The following CA10 variants were observed in gnomAD, a reference collection of about 807,000 sequenced individuals.
The protein encoded by CA10 is carbonic anhydrase-related protein 10.
A neutral mutation model predicts 44.2 loss-of-function variants in CA10; 14 were observed. The observed-to-expected ratio is 0.32, with a 90% CI of 0.21 to 0.50. The LOEUF (loss-of-function observed/expected upper bound fraction) is 0.50, where lower values mean the gene tolerates loss of function less well. CA10 is among the 20% of genes least tolerant of loss of function. CA10 has a pLI of 0.99. For missense variants in CA10, 350 were observed against 409.7 expected, an observed-to-expected ratio of 0.85 and a Z score of 1.26; for synonymous variants, 159 against 141.6, an observed-to-expected ratio of 1.12 and a Z score of -0.87.
intron 2 of CA10, among the ~76,000 whole-genome samples, chr17:52,011,482 G>A (rs1201789847): frequency 6.6e-6 from 1 of 151,972 alleles, no homozygotes; most frequent in Non-Finnish European, 1.5e-5. Flanking sequence ...TCCATCTTAA[G>A]AAGAAGTTAT....
intron 8 of CA10, among the ~76,000 whole-genome samples, chr17:51,632,534 T>C (rs1240919007): frequency 6.6e-6 from 1 of 152,152 alleles, no homozygotes; most frequent in Non-Finnish European, 1.5e-5. Context: ...AGCCCTCCTA[T>C]TTGGGGAGCA....
intron 1 of CA10, among the ~76,000 whole-genome samples, chr17:52,085,322 C>T (rs534710163): frequency 3.3e-5 from 5 of 152,192 alleles, no homozygotes; most frequent in Non-Finnish European, 2.9e-5. Context: ...ATGCTCCCTG[C>T]TGTGGTCTTC....
chr17:51,687,902 CT>C (rs1221827868), intron 4 of CA10, among the ~76,000 whole-genome samples: 4 of 152,144 alleles, frequency 2.6e-5, no homozygotes, highest in Non-Finnish European at 5.9e-5. Context: ...TTCTTGCCAC[CT>C]GATATTCATG....
intron 1 of CA10, among the ~76,000 whole-genome samples, chr17:52,132,594 G>A (rs1265112313): frequency 1.3e-5 from 2 of 152,362 alleles, no homozygotes; most frequent in East Asian, 3.8e-4. Flanking sequence ...GTGGGGCACA[G>A]CAACAGGGAA....
intron 2 of CA10, among the ~76,000 whole-genome samples, chr17:51,993,227 G>A (rs971018720): frequency 2.0e-5 from 3 of 152,072 alleles, no homozygotes; most frequent in African/African-American, 7.2e-5. Context: ...CCAAGCTCCT[G>A]TTGTCGTTAA....
chr17:52,009,957 C>T (rs1253994505), intron 2 of CA10, among the ~76,000 whole-genome samples: 3 of 151,880 alleles, frequency 2.0e-5, no homozygotes, highest in African/African-American at 7.2e-5. Context: ...ATAGACTATT[C>T]TCAAAATCAG....
intron 3 of CA10, among the ~76,000 whole-genome samples, chr17:51,750,329 A>G (rs927727618): frequency 6.4e-5 from 9 of 140,856 alleles, no homozygotes; most frequent in African/African-American, 2.2e-4. Flanking sequence ...TAAATATATA[A>G]TATAGACTTT....
chr17:52,021,503 CTT>C (rs1298856258), intron 2 of CA10, among the ~76,000 whole-genome samples: 1 of 151,972 alleles, frequency 6.6e-6, no homozygotes, highest in Non-Finnish European at 1.5e-5. Context: ...GCCATTCTGA[CTT>C]GAGATGATAT....
chr17:52,143,059 T>C (rs557692234), intron 1 of CA10, among the ~76,000 whole-genome samples: 72 of 152,354 alleles, frequency 4.7e-4, no homozygotes, highest in African/African-American at 1.7e-3. Flanking sequence ...TTTGTCATCC[T>C]TTTATCTTCC....
At chr17:51,967,378 C>A (rs1984120696) in intron 2 of CA10, among the ~76,000 whole-genome samples, 1 of 150,932 alleles carries the variant, frequency 6.6e-6, no homozygotes, top group Non-Finnish European at 1.5e-5. Flanking sequence ...ACCAAAAAGA[C>A]ACATGCACTT....
chr17:51,828,124 G>A (rs1319930738), intron 3 of CA10, among the ~76,000 whole-genome samples: 1 of 152,172 alleles, frequency 6.6e-6, no homozygotes, highest in African/African-American at 2.4e-5. Flanking sequence ...TGAGATTGTA[G>A]AATTCATCTG....
At chr17:51,895,444 T>A (rs1386065128) in intron 3 of CA10, among the ~76,000 whole-genome samples, 1 of 122,934 alleles carries the variant, frequency 8.1e-6, no homozygotes, top group East Asian at 2.0e-4. Context: ...CACATAACCT[T>A]TTCTGAAAAC....
At chr17:51,944,454 T>C (rs1983199094) in intron 2 of CA10, among the ~76,000 whole-genome samples, 1 of 152,136 alleles carries the variant, frequency 6.6e-6, no homozygotes, top group African/African-American at 2.4e-5. Flanking sequence ...AACAATAAGC[T>C]GCATTTAAAA....
At chr17:51,655,396 T>G (rs146151644) in intron 4 of CA10, among the ~76,000 whole-genome samples, 1 of 152,372 alleles carries the variant, frequency 6.6e-6, no homozygotes, top group East Asian at 1.9e-4. Flanking sequence ...TCTGAAAGTG[T>G]AAGAGAGTAC....
At chr17:51,851,630 C>A (rs1249458534) in intron 3 of CA10, among the ~76,000 whole-genome samples, 1 of 151,884 alleles carries the variant, frequency 6.6e-6, no homozygotes, top group African/African-American at 2.4e-5. Flanking sequence ...GGGTCTTTTC[C>A]TGAACAGATT....
At chr17:51,828,380 T>C (rs896354954) in intron 3 of CA10, among the ~76,000 whole-genome samples, 3 of 152,242 alleles carry the variant, frequency 2.0e-5, no homozygotes, top group Admixed American at 6.5e-5. Flanking sequence ...CATAACTGTA[T>C]GCAAGCATTT....
Position 51,823,687 on chromosome 17 carries a change from C to A in CA10, c.280-75869G>T, listed in dbSNP as rs139162157. 7.9e-5 allele frequency among the ~76,000 whole-genome samples: 12 copies of A among 152,314 alleles called. No homozygotes were observed. The East Asian group carries it at 2.3e-3, about 29-fold the overall frequency. ...TTAAGACTTGAACACTGTGTCTGTG[C>A]AGTTAGTGCTCTTAGTGGTAGAATT... On this transcript the variant is annotated intron_variant, in intron 3 of 8. Transcript: ENST00000451037.
At chr17:52,104,784 G>A (rs1988621808) in intron 1 of CA10, among the ~76,000 whole-genome samples, 1 of 152,138 alleles carries the variant, frequency 6.6e-6, no homozygotes, top group Non-Finnish European at 1.5e-5. Context: ...TGGGCCCTGG[G>A]TGCCTCTCGC....
At chr17:52,032,866 G>A (rs528810327) in intron 2 of CA10, among the ~76,000 whole-genome samples, 2 of 152,260 alleles carry the variant, frequency 1.3e-5, no homozygotes, top group South Asian at 4.1e-4. Context: ...TCCAAACAGT[G>A]TGACATTTGA....
Sources: gnomAD v4.1 joint callset for allele counts (sites outside exome capture counted in the v4.1 genomes callset) on GRCh38, gnomAD v4.1.1 for gene constraint, MANE v1.5 for transcripts, NCBI Gene and HGNC (gene_info 2026-07-23, HGNC 2026-07-21) for gene names.